PAFAH1B2: variants seen among roughly 807,000 people sequenced by gnomAD.
PAFAH1B2 encodes the protein platelet-activating factor acetylhydrolase IB subunit alpha2.
PAFAH1B2 carries 8 observed loss-of-function variants against 28.0 expected under a neutral mutation model. The ratio of observed to expected loss-of-function variants is 0.29; its 90% confidence interval spans 0.17 to 0.52. The LOEUF (loss-of-function observed/expected upper bound fraction) is 0.52. Ranked by LOEUF, PAFAH1B2 falls within the 20% of genes least tolerant of loss-of-function variation. The pLI, the probability that PAFAH1B2 is intolerant of heterozygous loss-of-function variation, is 0.97. For synonymous variants in PAFAH1B2, 104 were observed against 103.2 expected, an observed-to-expected ratio of 1.01 and a Z score of -0.05; for missense variants, 190 against 282.6, an observed-to-expected ratio of 0.67 and a Z score of 2.35.
chr11:117,168,851 T>G lies in PAFAH1B2; in HGVS notation c.*1152T>G. 1 of 646,204 alleles carries G rather than the reference T, an allele frequency of 1.5e-6. No homozygotes were observed. Among genetic ancestry groups the G allele is most frequent in the Non-Finnish European group, 2.0e-6 (1 of 506,874 alleles). 40.0% of individuals were successfully genotyped at this position (646,204 alleles called of 1,614,324 possible). ...TGTTGCCCAGGCTGGGGTGCAATGG[T>G]GTGATCTTGGCTCACTGCAGCCTCC... On this transcript the variant is annotated 3_prime_UTR_variant, in exon 6 of 6. Transcript: ENST00000527958.
In PAFAH1B2 at chr11:117,149,429, C is replaced by CCTTTTTTTTTTTT. The variant is rs1565260556; in HGVS notation, c.-7-3012_-7-3011insCTTTTTTTTTTTT. On this transcript the variant is annotated intron_variant, in intron 1 of 5. Coordinates refer to ENST00000527958, the MANE Select transcript of PAFAH1B2 (RefSeq NM_002572.4). ...TTTAATTTAAAAAAAGTTTTCTAAT[C>CCTTTTTTTTTTTT]GTTTTTTTTTTTTTTGAGATGGAGT... Among the ~76,000 whole-genome samples the CCTTTTTTTTTTTT allele has an allele frequency of 6.0e-5, 2 of 33,518 alleles. 1 individual carries two copies. Among genetic ancestry groups the CCTTTTTTTTTTTT allele is most frequent in the Admixed American group, 5.5e-4 (2 of 3,610 alleles). The allele number at this position is 33,518 out of a possible 152,430, so 22.0% of individuals were successfully genotyped here. A position where few individuals can be genotyped will look rare whatever the true frequency, so the allele number is the denominator to read the frequency against.
At chr11:117,166,335 G>A (rs1250477970) in intron 5 of PAFAH1B2, among the ~76,000 whole-genome samples, 1 of 152,172 alleles carries the variant, frequency 6.6e-6, no homozygotes, top group Non-Finnish European at 1.5e-5. Flanking sequence ...TATTTGCTTA[G>A]GAAATATTTG....
chr11:117,171,065 C>G, downstream of PAFAH1B2: 1 of 1,025,044 alleles, frequency 9.8e-7, no homozygotes, highest in Admixed American at 5.8e-5. Flanking sequence ...GTCTTTCTGT[C>G]TCCTTTATCA....
chr11:117,157,304 AGT>A (rs755184725), intron 2 of PAFAH1B2, among the ~76,000 whole-genome samples: 31 of 151,368 alleles, frequency 2.0e-4, no homozygotes, highest in African/African-American at 6.8e-4. Context: ...ATATATATAT[AGT>A]TTGTTTGTTT....
chr11:117,175,330 A>G (rs1378349809), downstream of PAFAH1B2: 1 of 1,069,570 alleles, frequency 9.3e-7, no homozygotes, highest in Non-Finnish European at 1.1e-6. Context: ...AGCCAACAAA[A>G]AGGCATTCTC....
In PAFAH1B2 at chr11:117,168,445, C is replaced by CTTTTTTTTTTTTTTTTT. The variant is rs1565274998; in HGVS notation, c.*746_*747insTTTTTTTTTTTTTTTTT. 3 of 354,318 alleles carry CTTTTTTTTTTTTTTTTT rather than the reference C, an allele frequency of 8.5e-6. No individual in the cohort carries two copies. The highest frequency in any genetic ancestry group is 6.8e-6 in the Non-Finnish European group (2 of 293,438). The allele number at this position is 354,318 out of a possible 1,614,324, so 21.9% of individuals were successfully genotyped here. ...TTCCCCTTCATTCCCCCCGCCACCCCGTTTTTTTTTTTTTTTTTTTTTTTT... is the reference window on the plus strand; with the variant it reads ...TTCCCCTTCATTCCCCCCGCCACCCCTTTTTTTTTTTTTTTTTGTTTTTTTTTTTTTTTTTTTTTTTT... On this transcript the variant is annotated 3_prime_UTR_variant, in exon 6 of 6. Transcript: ENST00000527958.
rs73578674 is a variant in PAFAH1B2, at chr11:117,154,521, G to C, written c.81+1993G>C. Among the ~76,000 whole-genome samples the C allele has an allele frequency of 7.2e-3, 1,061 of 148,318 alleles. 11 individuals are homozygous for C. Among genetic ancestry groups the C allele is most frequent in the African/African-American group, 0.027 (1,016 of 38,046 alleles). Reference sequence around the variant, plus strand: ...CATTACAGCTTGCACCATTACTGCAGCCTTGGCTTCCCGGGCTTAAGTGAT... The same window carrying C: ...CATTACAGCTTGCACCATTACTGCACCCTTGGCTTCCCGGGCTTAAGTGAT... On this transcript the variant is annotated intron_variant, in intron 2 of 5. Coordinates refer to ENST00000527958, the MANE Select transcript of PAFAH1B2 (RefSeq NM_002572.4).
At chr11:117,161,028 T>C in intron 3 of PAFAH1B2, 117 bp from the exon 4 acceptor site, 1 of 705,304 alleles carries the variant, frequency 1.4e-6, no homozygotes, top group Non-Finnish European at 2.5e-6. Context: ...GTCACACCAT[T>C]ACAGTGTTAT....
chr11:117,171,137 A>T (rs1236628267), downstream of PAFAH1B2: 1 of 843,370 alleles, frequency 1.2e-6, no homozygotes, highest in Non-Finnish European at 1.4e-6. Flanking sequence ...AGGAAATTGG[A>T]TACTTAGATG....
At chr11:117,175,455 C>A, downstream of PAFAH1B2, 1 of 1,073,828 alleles carries the variant, frequency 9.3e-7, no homozygotes. Flanking sequence ...TGCTGCCCTC[C>A]CACTCTGTAG....
At chr11:117,157,448 G>T (rs891041684) in intron 2 of PAFAH1B2, among the ~76,000 whole-genome samples, 4 of 152,064 alleles carry the variant, frequency 2.6e-5, no homozygotes, top group Non-Finnish European at 5.9e-5. Context: ...GACCAGAGGT[G>T]TTTTCATAAT....
downstream of PAFAH1B2, chr11:117,175,891 T>TTC (rs1565280808): frequency 1.3e-6 from 2 of 1,535,300 alleles, no homozygotes; most frequent in Non-Finnish European, 8.7e-7. Context: ...TCACGAGTGT[T>TTC]TCTTAATGTT....
At chr11:117,177,182 C>T (rs2030029289), downstream of PAFAH1B2, among the ~76,000 whole-genome samples, 1 of 152,140 alleles carries the variant, frequency 6.6e-6, no homozygotes, top group Non-Finnish European at 1.5e-5. Context: ...GCACTCCAAC[C>T]TGGGCAACAG....
intron 2 of PAFAH1B2, among the ~76,000 whole-genome samples, chr11:117,158,817 G>GTAT (rs1271935753): frequency 6.6e-6 from 1 of 151,886 alleles, no homozygotes; most frequent in Non-Finnish European, 1.5e-5. Context: ...GCTAATTTTT[G>GTAT]TATTATTATT....
At chr11:117,174,803 C>T (rs143879584), downstream of PAFAH1B2, 1,418 of 748,370 alleles carry the variant, frequency 1.9e-3, 9 homozygotes, top group African/African-American at 0.022. Context: ...TTAGTAGAGA[C>T]GGGCTTTTAC....
In PAFAH1B2 at chr11:117,153,742, A is replaced by G. The variant is rs1351705469; in HGVS notation, c.81+1214A>G. Among the ~76,000 whole-genome samples, 2 of 152,018 alleles carry G rather than the reference A, an allele frequency of 1.3e-5. 1 individual carries two copies. Among genetic ancestry groups the G allele is most frequent in the Admixed American group, 1.3e-4 (2 of 15,226 alleles). ...ATACTAACGTAGTGGGTTTTTCTGAAGCATTTGCACTCATTTCCCTTATCC... is the reference window on the plus strand; with the variant it reads ...ATACTAACGTAGTGGGTTTTTCTGAGGCATTTGCACTCATTTCCCTTATCC... On this transcript the variant is annotated intron_variant, in intron 2 of 5. Transcript: ENST00000527958.
In PAFAH1B2 at chr11:117,167,517, G is replaced by A. The variant is rs1482518929; in HGVS notation, c.508G>A (p.Val170Met). ...GGTTTCGCTGCCGAAGCTTGCCAAC[G>A]TGCAGCTCCTGGATACCGACGGGGG... Reference protein sequence around the residue: ...LKVSLPKLANVQLLDTDGGFV... With the variant: ...LKVSLPKLANMQLLDTDGGFV... The change falls in exon 6 of 6, where the codon GTG becomes ATG. Residue 170 changes from valine (V) to methionine (M), a missense_variant. By Grantham distance (21) the Val-to-Met change is conservative. Coordinates refer to ENST00000527958, the MANE Select transcript of PAFAH1B2 (RefSeq NM_002572.4). 1.9e-6 allele frequency: 3 copies of A among 1,612,764 alleles called. No homozygotes were observed. The highest frequency in any genetic ancestry group is 1.3e-5 in the African/African-American group (1 of 74,920).
Position 117,169,119 on chromosome 11 carries a change from C to T in PAFAH1B2, c.*1420C>T, listed in dbSNP as rs1956587469. The T allele has an allele frequency of 4.9e-6, 5 of 1,022,394 alleles. No individual in the cohort carries two copies. Among genetic ancestry groups the T allele is most frequent in the South Asian group, 4.6e-5 (1 of 21,596 alleles). 63.3% of individuals were successfully genotyped at this position (1,022,394 alleles called of 1,614,324 possible). A position where few individuals can be genotyped will look rare whatever the true frequency, so the allele number is the denominator to read the frequency against. ...TTGGCTTAGTTTTTAAATTATCCTC[C>T]AAAAATTTTGGGCCTTTTTCTGTGG... is the stretch of plus-strand genomic sequence containing the variant. On this transcript the variant is annotated 3_prime_UTR_variant, in exon 6 of 6. Transcript: ENST00000527958.
Position 117,163,621 on chromosome 11 carries a change from C to T in PAFAH1B2, c.289-149C>T, listed in dbSNP as rs538628737. 104 of 721,294 alleles carry T rather than the reference C, an allele frequency of 1.4e-4. 2 individuals are homozygous for T. Among genetic ancestry groups the T allele is most frequent in the African/African-American group, 9.6e-4 (52 of 54,254 alleles). The allele number at this position is 721,294 out of a possible 1,614,324, so 44.7% of individuals were successfully genotyped here. A position where few individuals can be genotyped will look rare whatever the true frequency, so the allele number is the denominator to read the frequency against. Reference sequence around the variant, plus strand: ...CTGGGAGGCGGAGGTTGCAGTGAGCCGAAATGGTGCCACTGCACTCCAGTC... The same window carrying T: ...CTGGGAGGCGGAGGTTGCAGTGAGCTGAAATGGTGCCACTGCACTCCAGTC... On this transcript the variant is annotated intron_variant, in intron 4 of 5. Transcript: ENST00000527958.
Sources: gnomAD v4.1 joint callset for allele counts (sites outside exome capture counted in the v4.1 genomes callset) on GRCh38, gnomAD v4.1.1 for gene constraint, MANE v1.5 for transcripts, NCBI Gene and HGNC (gene_info 2026-07-23, HGNC 2026-07-21) for gene names.